Variants in RFWD3 observed in about 807,000 individuals in gnomAD.
RFWD3 encodes the protein E3 ubiquitin-protein ligase RFWD3.
In RFWD3, 65 loss-of-function variants were observed where a neutral mutation model predicts 87.7. The ratio of observed to expected loss-of-function variants is 0.74; its 90% CI spans 0.61 to 0.91. RFWD3 has a LOEUF of 0.91. Among genes scored for constraint, RFWD3 ranks in the 40% least tolerant of loss-of-function variants. The probability of loss-of-function intolerance (pLI) is 0.00; values close to 1 mark genes in which losing one functional copy is unlikely to be tolerated. For missense variants in RFWD3, 1,078 were observed against 938.5 expected, an observed-to-expected ratio of 1.15 and a Z score of -1.94; for synonymous variants, 433 against 352.8, an observed-to-expected ratio of 1.23 and a Z score of -2.55.
intron 4 of RFWD3, among the ~76,000 whole-genome samples, chr16:74,648,325 C>T (rs1398579332): frequency 6.6e-6 from 1 of 151,248 alleles, no homozygotes; most frequent in Admixed American, 6.6e-5. Context: ...TAACCTGCAG[C>T]CCCACTTTGG....
chr16:74,663,121 G>C (rs113315839), intron 1 of RFWD3, among the ~76,000 whole-genome samples: 17,481 of 151,952 alleles, frequency 0.12, 1,354 homozygotes, highest in Non-Finnish European at 0.17. Context: ...AGCCAGGATG[G>C]TCTCGATCCC....
chr16:74,648,712 T>C (rs185267033), intron 4 of RFWD3, among the ~76,000 whole-genome samples: 39 of 151,784 alleles, frequency 2.6e-4, no homozygotes, highest in African/African-American at 9.2e-4. Flanking sequence ...GCAGAGGTTA[T>C]TGTGGTGAGC....
At chr16:74,641,928 CAAAAAAAAAAAAAAAAA>C (rs71158533) in intron 6 of RFWD3, among the ~76,000 whole-genome samples, 1 of 52,474 alleles carries the variant, frequency 1.9e-5, no homozygotes, top group Non-Finnish European at 3.2e-5. Flanking sequence ...ACTCCGTCTC[CAAAAAAAAAAAAAAAAA>C]AAAAAAAAAC....
chr16:74,632,254 T>C (rs1204444004), intron 9 of RFWD3, among the ~76,000 whole-genome samples: 1 of 151,952 alleles, frequency 6.6e-6, no homozygotes, highest in African/African-American at 2.4e-5. Flanking sequence ...TAGCCAGGCA[T>C]GGTTGCAGGC....
intron 12 of RFWD3, among the ~76,000 whole-genome samples, chr16:74,625,040 A>T (rs1426840637): frequency 6.6e-6 from 1 of 152,096 alleles, no homozygotes; most frequent in Non-Finnish European, 1.5e-5. Flanking sequence ...TTGAAGTATT[A>T]AAAAGTAGAG....
chr16:74,643,953 A>C (rs1360984595), intron 6 of RFWD3: 1 of 236,990 alleles, frequency 4.2e-6, no homozygotes, highest in East Asian at 9.4e-5. Flanking sequence ...CTGGGATTAC[A>C]GGCGTGAGCC....
In RFWD3 at chr16:74,626,415, G is replaced by C. The variant is rs1567564706; in HGVS notation, c.2109C>G (p.Ala703=). 1 of 1,614,170 alleles carries C rather than the reference G, an allele frequency of 6.2e-7. No individual in the cohort carries two copies. The highest frequency in any genetic ancestry group is 2.2e-5 in the East Asian group (1 of 44,878). ...CATCATTCTCTGGGCTTTGGAAAATGGCATTTTTGGTCAATAGTTTGCAAG... is the reference window on the plus strand; with the variant it reads ...CATCATTCTCTGGGCTTTGGAAAATCGCATTTTTGGTCAATAGTTTGCAAG... The part of the protein sequence containing the change: ...GPTCKLLTKN[A]IFQSPENDGN... The change falls in exon 12 of 13, where the codon GCC becomes GCG. Residue 703 remains alanine (A), a synonymous_variant. Coordinates refer to ENST00000361070, the MANE Select transcript of RFWD3 (RefSeq NM_018124.4).
chr16:74,637,672 A>T (rs1269725047), intron 7 of RFWD3, among the ~76,000 whole-genome samples, 184 bp downstream of exon 7: 1 of 152,190 alleles, frequency 6.6e-6, no homozygotes, highest in African/African-American at 2.4e-5. Flanking sequence ...AGTAGACCTC[A>T]TCATAAAGTG....
intron 1 of RFWD3, among the ~76,000 whole-genome samples, chr16:74,661,768 C>T (rs1444107896): frequency 1.3e-5 from 2 of 152,196 alleles, no homozygotes; most frequent in East Asian, 3.9e-4. Flanking sequence ...AGTAATCTCT[C>T]AGACACTTTG....
Position 74,661,124 on chromosome 16 carries a change from T to C in RFWD3, c.326A>G (p.Asn109Ser). The C allele has an allele frequency of 1.5e-5, 24 of 1,614,174 alleles. No individual in the cohort carries two copies. The highest frequency in any genetic ancestry group is 2.0e-5 in the Non-Finnish European group (24 of 1,180,018). ...SEQHRQGSDG[N>S]HTIPASSLHS... ...CAACGAAGATGCTGGGATGGTGTGA[T>C]TACCATCAGATCCCTGCCTATGTTG... The change falls in exon 2 of 13, where the codon AAT becomes AGT. Residue 109 changes from asparagine to serine, a missense_variant. Physicochemically the swap from Asn to Ser is conservative, Grantham distance 46. Transcript: ENST00000361070.
At chr16:74,634,756 A>C (rs1450481809) in intron 8 of RFWD3, among the ~76,000 whole-genome samples, 1 of 150,614 alleles carries the variant, frequency 6.6e-6, no homozygotes, top group African/African-American at 2.4e-5. Context: ...CAGGGAACCA[A>C]GCACGTGGCT....
At chr16:74,633,377 C>A (rs1243026306) in intron 8 of RFWD3, among the ~76,000 whole-genome samples, 1 of 151,404 alleles carries the variant, frequency 6.6e-6, no homozygotes, top group Non-Finnish European at 1.5e-5. Flanking sequence ...ATAACCTACT[C>A]CAAACATCCA....
chr16:74,627,449 C>G (rs1013352912), intron 11 of RFWD3, among the ~76,000 whole-genome samples: 10 of 151,984 alleles, frequency 6.6e-5, no homozygotes, highest in Non-Finnish European at 1.5e-4. Context: ...CTGGATGGCT[C>G]CCCCTTCTTC....
intron 8 of RFWD3, among the ~76,000 whole-genome samples, chr16:74,635,769 A>G (rs936851538): frequency 2.0e-5 from 3 of 152,244 alleles, no homozygotes; most frequent in African/African-American, 7.2e-5. Flanking sequence ...TAAAGACAGC[A>G]GAAAGAAACA....
intron 1 of RFWD3, among the ~76,000 whole-genome samples, chr16:74,663,711 T>G (rs1391174014): frequency 6.6e-6 from 1 of 152,016 alleles, no homozygotes; most frequent in Admixed American, 6.6e-5. Flanking sequence ...TGCAAACCAG[T>G]TTTTTAAGGC....
chr16:74,659,274 G>C (rs1260653851), intron 2 of RFWD3, among the ~76,000 whole-genome samples: 1 of 152,184 alleles, frequency 6.6e-6, no homozygotes, highest in Non-Finnish European at 1.5e-5. Context: ...CCTCCTGACA[G>C]TCAGCCAGCT....
At chr16:74,643,832 T>C (rs774107769) in intron 6 of RFWD3, 14 of 164,644 alleles carry the variant, frequency 8.5e-5, no homozygotes, top group Non-Finnish European at 1.1e-4. Flanking sequence ...TCCGCCACTA[T>C]GCCCGGCTAA....
chr16:74,623,796 T>C lies in RFWD3; in HGVS notation c.*132A>G. On this transcript the variant is annotated 3_prime_UTR_variant, in exon 13 of 13. Coordinates refer to ENST00000361070, the MANE Select transcript of RFWD3 (RefSeq NM_018124.4). ...TCAGTGACCTAGGGTCCTAGAATCA[T>C]ACTAATGCAAACAAACCATGATTCC... is the stretch of plus-strand genomic sequence containing the variant. 1 of 966,638 alleles carries C rather than the reference T, an allele frequency of 1.0e-6. No individual in the cohort carries two copies. The highest frequency in any genetic ancestry group is 2.5e-5 in the East Asian group (1 of 40,406). 59.9% of individuals were successfully genotyped at this position (966,638 alleles called of 1,614,324 possible).
intron 4 of RFWD3, among the ~76,000 whole-genome samples, chr16:74,648,707 G>C (rs553335953): frequency 6.6e-6 from 1 of 151,866 alleles, no homozygotes; most frequent in South Asian, 2.1e-4. Flanking sequence ...GGGAGGCAGA[G>C]GTTATTGTGG....
Sources: allele counts gnomAD v4.1 joint callset (sites outside exome capture counted in the v4.1 genomes callset), GRCh38; gene constraint gnomAD v4.1.1; transcripts MANE v1.5; gene names NCBI Gene and HGNC (gene_info 2026-07-23, HGNC 2026-07-21).